Variants in PDE5A observed in about 807,000 individuals in gnomAD.
PDE5A encodes the protein cGMP-specific 3',5'-cyclic phosphodiesterase.
Under a neutral mutation model 110.2 loss-of-function variants are expected in PDE5A, and 67 were observed. The observed-to-expected ratio is 0.61, with a 90% CI of 0.50 to 0.75. The LOEUF (loss-of-function observed/expected upper bound fraction) is 0.75, where lower values mean the gene tolerates loss of function less well. Ranked by LOEUF, PDE5A falls within the 30% of genes least tolerant of loss-of-function variation. The pLI, the probability that PDE5A is intolerant of heterozygous loss-of-function variation, is 0.00. For synonymous variants in PDE5A, 328 were observed against 351.2 expected (o/e 0.93, Z 0.74); for missense variants, 862 against 1,045.1 (o/e 0.82, Z 2.42).
intron 11 of PDE5A, among the ~76,000 whole-genome samples, chr4:119,529,250 C>A (rs1156661767): frequency 2.0e-5 from 3 of 152,020 alleles, no homozygotes; most frequent in Admixed American, 6.6e-5. Flanking sequence ...GCCTAGAATG[C>A]ATATTCCCAT....
intron 10 of PDE5A, among the ~76,000 whole-genome samples, chr4:119,541,134 A>G (rs1244097999): frequency 6.6e-6 from 1 of 151,996 alleles, no homozygotes; most frequent in African/African-American, 2.4e-5. Flanking sequence ...TAATTACTGA[A>G]TGGATGATGA....
At chr4:119,534,025 C>G (rs1726639599) in intron 11 of PDE5A, among the ~76,000 whole-genome samples, 1 of 152,054 alleles carries the variant, frequency 6.6e-6, no homozygotes, top group African/African-American at 2.4e-5. Context: ...AAAATCAAAT[C>G]AAAACAGACA....
At chr4:119,597,420 T>A (rs1578812319) in intron 2 of PDE5A, among the ~76,000 whole-genome samples, 1 of 151,986 alleles carries the variant, frequency 6.6e-6, no homozygotes, top group Non-Finnish European at 1.5e-5. Flanking sequence ...GGTTATCAAA[T>A]GTTATCATTT....
intron 11 of PDE5A, among the ~76,000 whole-genome samples, chr4:119,528,457 G>A (rs1301339388): frequency 6.6e-6 from 1 of 152,056 alleles, no homozygotes; most frequent in African/African-American, 2.4e-5. Flanking sequence ...ATAGTAAACT[G>A]ATGTGCAGCT....
At chr4:119,498,796 C>A in intron 20 of PDE5A, 58 bp from the exon 21 acceptor site, 1 of 1,591,838 alleles carries the variant, frequency 6.3e-7, no homozygotes, top group Non-Finnish European at 8.6e-7. Flanking sequence ...AGTCCTCTCC[C>A]ACAGGCCTGT....
At chr4:119,507,358 A>G (rs954323707) in intron 16 of PDE5A, among the ~76,000 whole-genome samples, 2 of 151,892 alleles carry the variant, frequency 1.3e-5, no homozygotes, top group African/African-American at 4.8e-5. Context: ...TGGCTATTAG[A>G]TTTGTATATA....
chr4:119,533,877 T>A (rs1236285613), intron 11 of PDE5A, among the ~76,000 whole-genome samples: 1 of 152,140 alleles, frequency 6.6e-6, no homozygotes, highest in Non-Finnish European at 1.5e-5. Flanking sequence ...ACCATCTTGG[T>A]TATTGAGTTC....
At chr4:119,558,170 C>T (rs1329566914) in intron 7 of PDE5A, among the ~76,000 whole-genome samples, 1 of 152,152 alleles carries the variant, frequency 6.6e-6, no homozygotes, top group Non-Finnish European at 1.5e-5. Flanking sequence ...AAATGAGCCT[C>T]CCTTTGGAAA....
intron 2 of PDE5A, among the ~76,000 whole-genome samples, chr4:119,603,278 C>T (rs771636422): frequency 2.8e-4 from 43 of 152,318 alleles, no homozygotes; most frequent in South Asian, 4.1e-4. Flanking sequence ...GTCCCACCTA[C>T]TCAGGACCAT....
intron 5 of PDE5A, among the ~76,000 whole-genome samples, chr4:119,565,086 A>G (rs889924325): frequency 2.6e-5 from 4 of 152,112 alleles, no homozygotes; most frequent in African/African-American, 9.7e-5. Flanking sequence ...ATGGCAAGTA[A>G]CGTGTGGTGT....
At chr4:119,584,579 G>A (rs1728692462) in intron 3 of PDE5A, among the ~76,000 whole-genome samples, 2 of 152,152 alleles carry the variant, frequency 1.3e-5, no homozygotes, top group South Asian at 4.1e-4. Flanking sequence ...TATATCAAGT[G>A]TCAAATTATG....
rs1018460468 is a variant in PDE5A at position 119,498,545 on chromosome 4, G to C, written c.*56C>G. On this transcript the variant is annotated 3_prime_UTR_variant, in exon 21 of 21. Transcript: ENST00000354960. Reference sequence around the variant, plus strand: ...ATACAGACAGTGTGTAAGAAACTAGGCATATTGCAGAACACACCATCTCTG... The same window carrying C: ...ATACAGACAGTGTGTAAGAAACTAGCCATATTGCAGAACACACCATCTCTG... 18 of 1,592,218 alleles carry C rather than the reference G, an allele frequency of 1.1e-5. No homozygotes were observed. The East Asian group carries it at 4.0e-4, about 36-fold the overall frequency.
Position 119,543,237 on chromosome 4 carries a change from AAGTT to A in PDE5A, c.1397-607_1397-604del, listed in dbSNP as rs1186027510. ...AATAAAAATGACTACTTAGAAATAA[AAGTT>A]AAACACGTAGTCAATAAAAATGGAA... is the stretch of plus-strand genomic sequence containing the variant. On this transcript the variant is annotated intron_variant, in intron 9 of 20. Transcript: ENST00000354960. The A allele has an allele frequency of 2.0e-5, 3 of 152,254 alleles. No individual in the cohort carries two copies. In the East Asian group the frequency reaches 5.8e-4, roughly 29 times the overall value. 9.4% of individuals were successfully genotyped at this position (152,254 alleles called of 1,614,324 possible).
chr4:119,513,171 C>T (rs1386115001), intron 14 of PDE5A, among the ~76,000 whole-genome samples: 3 of 152,022 alleles, frequency 2.0e-5, no homozygotes, highest in Non-Finnish European at 4.4e-5. Flanking sequence ...ATCTTTAATA[C>T]CTCTCACTTC....
intron 10 of PDE5A, among the ~76,000 whole-genome samples, chr4:119,542,155 T>C (rs866352912): frequency 1.3e-5 from 2 of 152,132 alleles, no homozygotes; most frequent in African/African-American, 4.8e-5. Flanking sequence ...TAATTGGCAG[T>C]AGTCATCTGT....
At chr4:119,623,507 A>G (rs1282689284) in intron 1 of PDE5A, among the ~76,000 whole-genome samples, 1 of 152,202 alleles carries the variant, frequency 6.6e-6, no homozygotes, top group Non-Finnish European at 1.5e-5. Context: ...TGTATTTTCA[A>G]ATCTAGAGGA....
chr4:119,588,170 C>CTTTTTTT (rs11297755), intron 3 of PDE5A, among the ~76,000 whole-genome samples: 3 of 129,076 alleles, frequency 2.3e-5, no homozygotes, highest in Non-Finnish European at 1.7e-5. Context: ...CCAATTTTTT[C>CTTTTTTT]TTTTTTTTTT....
intron 1 of PDE5A, among the ~76,000 whole-genome samples, chr4:119,613,298 T>C (rs933026558): frequency 6.6e-6 from 1 of 152,208 alleles, no homozygotes. Flanking sequence ...GTGGTTCTAT[T>C]TTTCAAGATA....
At chr4:119,526,075 G>A (rs1033012405) in intron 11 of PDE5A, among the ~76,000 whole-genome samples, 1 of 152,088 alleles carries the variant, frequency 6.6e-6, no homozygotes, top group Non-Finnish European at 1.5e-5. Flanking sequence ...CCAGTGCTCT[G>A]GGCTGCAAAT....
Sources: gnomAD v4.1 joint callset for allele counts (sites outside exome capture counted in the v4.1 genomes callset) on GRCh38, gnomAD v4.1.1 for gene constraint, MANE v1.5 for transcripts, NCBI Gene and HGNC (gene_info 2026-07-23, HGNC 2026-07-21) for gene names.